CEP170: variants seen among roughly 807,000 people sequenced by gnomAD.
The protein encoded by CEP170 is centrosomal protein of 170 kDa.
Under a neutral mutation model 151.9 loss-of-function variants are expected in CEP170, and 21 were observed. The observed-to-expected ratio is 0.14, with a 90% confidence interval of 0.10 to 0.20. The LOEUF is 0.20. CEP170 is among the 10% of genes least tolerant of loss of function. CEP170 has a pLI of 1.00. For missense variants in CEP170, 964 were observed against 1,892.9 expected (o/e 0.51, Z 9.11); for synonymous variants, 356 against 648.8 (o/e 0.55, Z 6.86).
chr1:243,214,173 T>G (rs1007161402), intron 3 of CEP170, among the ~76,000 whole-genome samples: 3 of 152,084 alleles, frequency 2.0e-5, no homozygotes, highest in Non-Finnish European at 4.4e-5. Context: ...ATAAAATTAT[T>G]GGATTGAGCT....
chr1:243,181,839 T>C (rs1181154673), intron 10 of CEP170, among the ~76,000 whole-genome samples: 1 of 152,186 alleles, frequency 6.6e-6, no homozygotes, highest in Non-Finnish European at 1.5e-5. Context: ...TTTCCTTTGT[T>C]CCCCCTTCTC....
chr1:243,216,475 A>G (rs1030016708), intron 3 of CEP170, among the ~76,000 whole-genome samples: 2 of 150,370 alleles, frequency 1.3e-5, no homozygotes, highest in Non-Finnish European at 2.9e-5. Context: ...TGCTTTTATC[A>G]TCTTCTATTT....
chr1:243,186,128 A>C, intron 9 of CEP170, 56 bp from the exon 10 acceptor site: 1 of 1,613,428 alleles, frequency 6.2e-7, no homozygotes, highest in Non-Finnish European at 8.5e-7. Context: ...TGCTTTCTCA[A>C]GTTTTGTATG....
At chr1:243,146,464 A>G (rs2056498702) in intron 14 of CEP170, among the ~76,000 whole-genome samples, 1 of 152,210 alleles carries the variant, frequency 6.6e-6, no homozygotes, top group Non-Finnish European at 1.5e-5. Context: ...AGGCCCCAAA[A>G]TTTCAAAGGC....
intron 2 of CEP170, among the ~76,000 whole-genome samples, chr1:243,223,870 AT>A (rs953621648): frequency 6.6e-6 from 1 of 152,240 alleles, no homozygotes; most frequent in African/African-American, 2.4e-5. Flanking sequence ...TGAAAAAAAA[AT>A]TCCTATGTTT....
rs1164841548 is a variant in CEP170 at position 243,126,695 on chromosome 1, C to G, written c.4509G>C (p.Leu1503=). Residue 1503 remains leucine (L), a synonymous_variant, in exon 20 of 20, where the codon CTG becomes CTC. Coordinates refer to ENST00000366542, the MANE Select transcript of CEP170 (RefSeq NM_014812.3). The part of the protein sequence containing the change: ...MIDPDGTLEA[L]NNMGFPSAML... The stretch of plus-strand genomic sequence containing the variant: ...TAGCACTGGGAAATCCCATGTTGTT[C>G]AGAGCCTCCAAAGTTCCATCAGGAT... 1.2e-5 allele frequency: 18 copies of G among 1,538,804 alleles called. No homozygotes were observed. In the Admixed American group the frequency reaches 3.7e-4, roughly 32 times the overall value.
At chr1:243,163,448 C>G (rs1165011502) in intron 13 of CEP170, 2 of 152,240 alleles carry the variant, frequency 1.3e-5, no homozygotes, top group Non-Finnish European at 2.9e-5. Context: ...ACACATGTAT[C>G]TCAATGGCCT....
chr1:243,250,971 T>C (rs996662867), intron 1 of CEP170, among the ~76,000 whole-genome samples: 1 of 152,182 alleles, frequency 6.6e-6, no homozygotes, highest in Non-Finnish European at 1.5e-5. Flanking sequence ...ACTGATTGAA[T>C]CCAGCTGAGA....
chr1:243,245,932 C>T (rs560090631), intron 1 of CEP170, among the ~76,000 whole-genome samples: 20 of 150,344 alleles, frequency 1.3e-4, no homozygotes, highest in East Asian at 3.9e-4. Context: ...GGTAACAGAG[C>T]GGGACCTCGT....
At chr1:243,201,773 G>C (rs1391005651) in intron 4 of CEP170, among the ~76,000 whole-genome samples, 1 of 152,108 alleles carries the variant, frequency 6.6e-6, no homozygotes. Flanking sequence ...GAAATATTCT[G>C]TTCAATTCCA....
At chr1:243,221,868 G>A (rs2062846883) in intron 2 of CEP170, 55 bp from the exon 3 acceptor site, 2 of 1,494,186 alleles carry the variant, frequency 1.3e-6, no homozygotes, top group Admixed American at 2.2e-5. Flanking sequence ...ATAAATACCA[G>A]TCACATTTTG....
chr1:243,235,395 T>G (rs574066042), intron 1 of CEP170, among the ~76,000 whole-genome samples: 1 of 152,296 alleles, frequency 6.6e-6, no homozygotes, highest in Non-Finnish European at 1.5e-5. Context: ...ATTCATTTAT[T>G]TAAAATCTCC....
chr1:243,175,100 C>T (rs187698393), intron 10 of CEP170: 13 of 152,312 alleles, frequency 8.5e-5, no homozygotes, highest in African/African-American at 3.1e-4. Flanking sequence ...CTAATCCACA[C>T]TAAAAACTTG....
intron 1 of CEP170, among the ~76,000 whole-genome samples, chr1:243,249,156 TG>T (rs756291177): frequency 1.8e-4 from 27 of 152,244 alleles, no homozygotes; most frequent in South Asian, 6.2e-4. Context: ...CCAGGCGTGG[TG>T]GTTCATGCCT....
chr1:243,171,441 C>A (rs930710415), intron 11 of CEP170, among the ~76,000 whole-genome samples: 1 of 151,914 alleles, frequency 6.6e-6, no homozygotes, highest in Non-Finnish European at 1.5e-5. Context: ...TTTATATTTT[C>A]TTTATTTATA....
At position 243,137,779 on chromosome 1, in the gene CEP170, T is replaced by TAAA. The variant is rs773221196; in HGVS notation, c.4231-1551_4231-1549dup. 1.7e-3 allele frequency among the ~76,000 whole-genome samples: 166 copies of TAAA among 96,956 alleles called. 4 individuals carry two copies. The South Asian group carries it at 0.046, about 27-fold the overall frequency. 63.6% of individuals were successfully genotyped at this position (96,956 alleles called of 152,430 possible). A position where few individuals can be genotyped will look rare whatever the true frequency, so the allele number is the denominator to read the frequency against. On this transcript the variant is annotated intron_variant, in intron 16 of 19. Transcript: ENST00000366542. ...ACAAAGCGAGACTCCCTCTCAAAAT[T>TAAA]AAAAAAAAAAAAAAAAAAGAATTCT...
chr1:243,248,959 C>T (rs2065677420), intron 1 of CEP170, among the ~76,000 whole-genome samples: 1 of 152,176 alleles, frequency 6.6e-6, no homozygotes, highest in African/African-American at 2.4e-5. Flanking sequence ...CACTCAGATA[C>T]CTACAAGATG....
intron 2 of CEP170, among the ~76,000 whole-genome samples, chr1:243,223,111 G>A (rs2062956119): frequency 6.6e-6 from 1 of 152,174 alleles, no homozygotes; most frequent in South Asian, 2.1e-4. Flanking sequence ...TCACCATATT[G>A]TTGATGTATC....
rs142221834 is a variant in CEP170 at position 243,160,156 on chromosome 1, G to A, written c.3677-3701C>T. Among the ~76,000 whole-genome samples, 1,008 of 152,114 alleles carry A rather than the reference G, an allele frequency of 6.6e-3. 13 individuals carry two copies. The highest frequency in any genetic ancestry group is 0.023 in the African/African-American group (957 of 41,520). On this transcript the variant is annotated intron_variant, in intron 13 of 19. Transcript: ENST00000366542. ...AGTTTTTCTGATATCTACCTGTGTTGAAGAAAAAATTTATTTCTTTCTCTT... is the reference window on the plus strand; with the variant it reads ...AGTTTTTCTGATATCTACCTGTGTTAAAGAAAAAATTTATTTCTTTCTCTT...
Sources: gnomAD v4.1 joint callset for allele counts (sites outside exome capture counted in the v4.1 genomes callset) on GRCh38, gnomAD v4.1.1 for gene constraint, MANE v1.5 for transcripts, NCBI Gene and HGNC (gene_info 2026-07-23, HGNC 2026-07-21) for gene names.